PFKFB3: variants seen among roughly 807,000 people sequenced by gnomAD.
PFKFB3 encodes the protein 6-phosphofructo-2-kinase/fructose-2,6-biphosphatase 3.
PFKFB3 carries 33 observed loss-of-function variants against 68.0 expected under a neutral mutation model. The observed-to-expected ratio is 0.49, with a 90% CI of 0.37 to 0.65. The LOEUF is 0.65. Ranked by LOEUF, PFKFB3 falls within the 30% of genes least tolerant of loss-of-function variation. PFKFB3 has a pLI of 0.00. For synonymous variants in PFKFB3, 315 were observed against 288.2 expected, an observed-to-expected ratio of 1.09 and a Z score of -0.94; for missense variants, 586 against 712.2, an observed-to-expected ratio of 0.82 and a Z score of 2.02.
chr10:6,253,433 A>G (rs1846424020), intron 14 of PFKFB3, among the ~76,000 whole-genome samples: 1 of 152,138 alleles, frequency 6.6e-6, no homozygotes. Context: ...AATTGCTTTG[A>G]GGTGAACGAG....
intron 1 of PFKFB3, among the ~76,000 whole-genome samples, chr10:6,169,520 T>C (rs978135875): frequency 1.3e-5 from 2 of 152,140 alleles, no homozygotes; most frequent in African/African-American, 4.8e-5. Flanking sequence ...ACTGTGATCT[T>C]GGGCCATTGT....
At chr10:6,144,972 G>A (rs973560636) in exon 1 of PFKFB3, 3 of 1,292,106 alleles carry the variant, frequency 2.3e-6, no homozygotes, top group South Asian at 2.3e-5. Flanking sequence ...TCGCGGGCCG[G>A]CCCCGCGGGG....
the PFKFB3 span, among the ~76,000 whole-genome samples, chr10:6,297,806 C>G: frequency 2.0e-5 from 3 of 152,228 alleles, no homozygotes; most frequent in East Asian, 5.8e-4. Context: ...CAGAAGGGTC[C>G]TCTTTCCTAT....
Position 6,180,080 on chromosome 10 carries a change from C to T in PFKFB3, c.17-33543C>T, listed in dbSNP as rs1320609883. Among the ~76,000 whole-genome samples the T allele has an allele frequency of 2.6e-5, 4 of 151,788 alleles. No homozygotes were observed. The South Asian group carries it at 6.3e-4, about 24-fold the overall frequency. ...TGTGTGGGCCAGGCTCGGTGGCGCT[C>T]GCGTGTAATCCCAGCACTTTGGGAG... On this transcript the variant is annotated intron_variant, in intron 1 of 14. Transcript: ENST00000379789.
intron 3 of PFKFB3, 55 bp from the exon 4 acceptor site, chr10:6,216,070 C>A: frequency 6.6e-7 from 1 of 1,519,524 alleles, no homozygotes; most frequent in Non-Finnish European, 9.1e-7. Context: ...GTTGCTTGGG[C>A]TGCCCCAGCG....
At chr10:6,267,827 C>T in the PFKFB3 span, among the ~76,000 whole-genome samples, 5 of 151,460 alleles carry the variant, frequency 3.3e-5, no homozygotes, top group East Asian at 3.9e-4. Flanking sequence ...TGGTGGCGGG[C>T]GCCTGTAGTC....
chr10:6,285,740 A>G, the PFKFB3 span, among the ~76,000 whole-genome samples: 1 of 152,162 alleles, frequency 6.6e-6, no homozygotes, highest in African/African-American at 2.4e-5. Context: ...GCTCCTGGCA[A>G]CCACCATTCC....
the PFKFB3 span, among the ~76,000 whole-genome samples, chr10:6,263,788 C>T: frequency 9.2e-5 from 14 of 152,308 alleles, no homozygotes; most frequent in Admixed American, 6.5e-4. Flanking sequence ...TGGGCCTAAA[C>T]GATTCTCGTG....
chr10:6,277,703 A>G, the PFKFB3 span: 4 of 373,738 alleles, frequency 1.1e-5, no homozygotes, highest in South Asian at 2.0e-5. Flanking sequence ...AAGTTTCCTG[A>G]GGCCTCCCTA....
intron 1 of PFKFB3, among the ~76,000 whole-genome samples, chr10:6,203,653 A>T (rs868469260): frequency 6.6e-6 from 1 of 151,082 alleles, no homozygotes; most frequent in African/African-American, 2.4e-5. Context: ...TGTCCTCGAC[A>T]CCCGTCTCGG....
At chr10:6,191,252 T>G (rs962893339) in intron 1 of PFKFB3, among the ~76,000 whole-genome samples, 3 of 152,216 alleles carry the variant, frequency 2.0e-5, no homozygotes, top group Non-Finnish European at 4.4e-5. Context: ...AGTTAGAAAT[T>G]GAAACAGAAC....
chr10:6,236,797 G>T (rs1846022612), downstream of PFKFB3, among the ~76,000 whole-genome samples: 1 of 152,212 alleles, frequency 6.6e-6, no homozygotes, highest in Non-Finnish European at 1.5e-5. Context: ...GGCCGGCCGG[G>T]CTGTGGGGAT....
rs1355769642 is a variant in PFKFB3 at position 6,154,236 on chromosome 10, TG to T, written c.16+9226del. On this transcript the variant is annotated intron_variant, in intron 1 of 14. Coordinates refer to the PFKFB3 transcript ENST00000379789. This position sits in a 1 kb window ranked among gnomAD's most constrained non-coding sequence, Gnocchi z 4.6. ...GCCTGGGAGGGTTTTGGTGGAGGTGTGGGCTGAATTAATTTTTTTTTTTTTT... is the reference window on the plus strand; with the variant it reads ...GCCTGGGAGGGTTTTGGTGGAGGTGTGGCTGAATTAATTTTTTTTTTTTTT... Among the ~76,000 whole-genome samples the T allele has an allele frequency of 1.3e-5, 2 of 148,900 alleles. No individual in the cohort carries two copies. Among genetic ancestry groups the T allele is most frequent in the Non-Finnish European group, 3.0e-5 (2 of 67,436 alleles).
chr10:6,313,311 G>A, the PFKFB3 span, among the ~76,000 whole-genome samples: 1 of 152,170 alleles, frequency 6.6e-6, no homozygotes, highest in Non-Finnish European at 1.5e-5. The surrounding 1 kb of genome is among the most constrained non-coding windows in gnomAD (Gnocchi z 4.2). Context: ...GCTACAATCA[G>A]CAGTTTTACT....
intron 14 of PFKFB3, among the ~76,000 whole-genome samples, chr10:6,230,963 G>A (rs928402809): frequency 6.6e-6 from 1 of 151,984 alleles, no homozygotes; most frequent in African/African-American, 2.4e-5. Context: ...TGATCCACCC[G>A]CCTTGGCCTC....
At chr10:6,263,681 T>A in the PFKFB3 span, among the ~76,000 whole-genome samples, 9 of 151,902 alleles carry the variant, frequency 5.9e-5, no homozygotes, top group African/African-American at 2.2e-4. Context: ...AAGAGCTTAA[T>A]AATGGTTATT....
intron 13 of PFKFB3, among the ~76,000 whole-genome samples, chr10:6,224,805 G>A (rs1459887328): frequency 6.6e-6 from 1 of 152,130 alleles, no homozygotes; most frequent in Non-Finnish European, 1.5e-5. Context: ...TTTAACATCA[G>A]CATGGCACAG....
intron 1 of PFKFB3, among the ~76,000 whole-genome samples, chr10:6,151,472 G>A (rs1374652422): frequency 2.0e-5 from 3 of 152,204 alleles, no homozygotes; most frequent in African/African-American, 7.2e-5. Flanking sequence ...CCCAGAGGCT[G>A]TGGCCCCTTG....
At chr10:6,159,184 C>T (rs78938497) in intron 1 of PFKFB3, among the ~76,000 whole-genome samples, 1,649 of 151,760 alleles carry the variant, frequency 0.011, 68 homozygotes, top group East Asian at 0.1. Flanking sequence ...CCCTTGAGGT[C>T]AGGAGTTCGA....
Sources: allele counts gnomAD v4.1 joint callset (sites outside exome capture counted in the v4.1 genomes callset), GRCh38; gene constraint gnomAD v4.1.1; non-coding constraint Gnocchi (gnomAD v3.1); transcripts MANE v1.5; gene names NCBI Gene and HGNC (gene_info 2026-07-23, HGNC 2026-07-21).